PSAPL1: variants seen among roughly 807,000 people sequenced by gnomAD.
PSAPL1 encodes proactivator polypeptide-like 1.
For missense variants in PSAPL1, 814 were observed against 688.8 expected (o/e 1.18, Z -2.03); for synonymous variants, 351 against 291.6 (o/e 1.20, Z -2.08).
Position 7,433,416 on chromosome 4 carries a change from G to C in PSAPL1, c.1464C>G (p.Phe488Leu). The C allele has an allele frequency of 6.6e-7, 1 of 1,511,656 alleles. No homozygotes were observed. The highest frequency in any genetic ancestry group is 2.3e-5 in the Admixed American group (1 of 43,280). 93.6% of individuals were successfully genotyped at this position (1,511,656 alleles called of 1,614,324 possible). The change falls in exon 1 of 1, where the codon TTC (phenylalanine) becomes TTG (leucine). Residue 488 changes from phenylalanine to leucine, a missense_variant. Physicochemically the swap from Phe to Leu is conservative, Grantham distance 22. Coordinates refer to ENST00000319098, the MANE Select transcript of PSAPL1 (RefSeq NM_001085382.2). ...TGGCGGCCTCCTGGCTCCTGCACCA[G>C]AAGCTTGGGCCCAGGGCACACTGGT... ...GTDQCALGPSFWCRSQEAAKL... is the reference protein window; with the variant it reads ...GTDQCALGPSLWCRSQEAAKL...
In PSAPL1 at chr4:7,431,532, A is replaced by G. The variant is rs73796583; in HGVS notation, c.*1782T>C. The stretch of plus-strand genomic sequence containing the variant: ...GGTGGGAACACCTACCGGCAGGCAG[A>G]CAGAGAGCCTCTGGGGCTGCTCCTG... On this transcript the variant is annotated 3_prime_UTR_variant, in exon 1 of 1. Transcript: ENST00000319098. 0.039 allele frequency: 5,949 copies of G among 152,276 alleles called. 399 individuals are homozygous for G. Among genetic ancestry groups the G allele is most frequent in the African/African-American group, 0.13 (5,523 of 41,492 alleles). The allele number at this position is 152,276 out of a possible 1,614,324, so 9.4% of individuals were successfully genotyped here.
chr4:7,433,721 A>T lies in PSAPL1; in HGVS notation c.1159T>A (p.Trp387Arg). 1 of 1,612,888 alleles carries T rather than the reference A, an allele frequency of 6.2e-7. No homozygotes were observed. The highest frequency in any genetic ancestry group is 8.5e-7 in the Non-Finnish European group (1 of 1,179,664). ...AAGCTGCCCTGGTTCTCCGCGTCCC[A>T]CTCTGGGGACGGCACGATGGCATAG... ...DAYAIVPSPE[W>R]DAENQGSFCN... Residue 387 changes from tryptophan (W) to arginine (R), a missense_variant, in exon 1 of 1, where the codon TGG becomes AGG. Coordinates refer to ENST00000319098, the MANE Select transcript of PSAPL1 (RefSeq NM_001085382.2).
chr4:7,433,560 G>C lies in PSAPL1; in HGVS notation c.1320C>G (p.His440Gln), dbSNP rs754543563. 5.0e-6 allele frequency: 8 copies of C among 1,611,576 alleles called. No individual in the cohort carries two copies. The highest frequency in any genetic ancestry group is 6.8e-6 in the Non-Finnish European group (8 of 1,179,182). The change falls in exon 1 of 1, where the codon CAC (histidine) becomes CAG (glutamine). Residue 440 changes from histidine (H) to glutamine (Q), a missense_variant. By Grantham distance (24) the His-to-Gln change is conservative. Transcript: ENST00000319098. ...GCACGGGCTCGTACTGGGTGACGAA[G>C]TGCTTGCACTGGATCATATAGGGCA... ...LPLPYMIQCK[H>Q]FVTQYEPVLI...
rs1244381088 is a variant in PSAPL1 at position 7,433,809 on chromosome 4, C to G, written c.1071G>C (p.Glu357Asp). 6 of 1,613,782 alleles carry G rather than the reference C, an allele frequency of 3.7e-6. No homozygotes were observed. Among genetic ancestry groups the G allele is most frequent in the Non-Finnish European group, 4.2e-6 (5 of 1,179,874 alleles). The change falls in exon 1 of 1, where the codon GAG (glutamate) becomes GAC (aspartate). Residue 357 changes from glutamate to aspartate, a missense_variant. Coordinates refer to ENST00000319098, the MANE Select transcript of PSAPL1 (RefSeq NM_001085382.2). ...ACAGACGGATGAACTTGCACACCTT[C>G]TCTGGGGTGATTTTGGCCACAAGCT... ...LVQLVAKITP[E>D]KVCKFIRLCG...
rs756341382 is a variant in PSAPL1, at chr4:7,434,762, C to T, written c.118G>A (p.Ala40Thr). The T allele has an allele frequency of 6.2e-6, 10 of 1,612,850 alleles. No individual in the cohort carries two copies. The highest frequency in any genetic ancestry group is 8.5e-6 in the Non-Finnish European group (10 of 1,179,570). The part of the protein sequence containing the change: ...STVWCQDLQT[A>T]ARCGAVGYCQ... Reference sequence around the variant, plus strand: ...TACCCCACAGCCCCGCACCTGGCAGCTGTCTGCAGATCCTGACACCACACC... The same window carrying T: ...TACCCCACAGCCCCGCACCTGGCAGTTGTCTGCAGATCCTGACACCACACC... The change falls in exon 1 of 1, where the codon GCT becomes ACT. Residue 40 changes from alanine (A) to threonine (T), a missense_variant. Ala to Thr is a moderately conservative substitution (Grantham distance 58, BLOSUM62 0). Transcript: ENST00000319098.
At position 7,434,217 on chromosome 4, in the gene PSAPL1, G is replaced by A. The variant is rs1329410035; in HGVS notation, c.663C>T (p.Ala221=). The part of the protein sequence containing the change: ...EQCESLGPGL[A]VLCKNYLFQF... The stretch of plus-strand genomic sequence containing the variant: ...GGAAGAGGTAGTTCTTGCAGAGGAC[G>A]GCCAGGCCAGGCCCCAAGGACTCAC... The change falls in exon 1 of 1, where the codon GCC becomes GCT. Residue 221 remains alanine (A), a synonymous_variant. Coordinates refer to ENST00000319098, the MANE Select transcript of PSAPL1 (RefSeq NM_001085382.2). 11 of 1,613,574 alleles carry A rather than the reference G, an allele frequency of 6.8e-6. No individual in the cohort carries two copies. The highest frequency in any genetic ancestry group is 3.3e-5 in the South Asian group (3 of 91,086).
Position 7,434,680 on chromosome 4 carries a change from C to T in PSAPL1, c.200G>A (p.Cys67Tyr), listed in dbSNP as rs1727166660. The T allele has an allele frequency of 6.2e-6, 10 of 1,612,566 alleles. No homozygotes were observed. Among genetic ancestry groups the T allele is most frequent in the Non-Finnish European group, 8.5e-6 (10 of 1,179,496 alleles). The change falls in exon 1 of 1, where the codon TGC becomes TAC. Residue 67 changes from cysteine to tyrosine, a missense_variant. Transcript: ENST00000319098. ...GCCAGCGGCGGCTGCTATGTCCTGG[C>T]ATACGTCGCAGGGCAGAGACTTCGC... The part of the protein sequence containing the change: ...PTAKSLPCDV[C>Y]QDIAAAAGNG...
In PSAPL1 at chr4:7,434,726, C is replaced by A; in HGVS notation, c.154G>T (p.Ala52Ser). The A allele has an allele frequency of 6.2e-7, 1 of 1,613,124 alleles. No homozygotes were observed. The highest frequency in any genetic ancestry group is 8.5e-7 in the Non-Finnish European group (1 of 1,179,596). Residue 52 changes from alanine (A) to serine (S), a missense_variant, in exon 1 of 1, where the codon GCC becomes TCC. Physicochemically the swap from Ala to Ser is moderately conservative, Grantham distance 99. Transcript: ENST00000319098. ...TTCGCGGTGGGTTTGTTCCATACGG[C>A]CCCTTGGCAGTACCCCACAGCCCCG... is the stretch of plus-strand genomic sequence containing the variant. ...RCGAVGYCQG[A>S]VWNKPTAKSL...
In PSAPL1 at chr4:7,433,264, A is replaced by G. The variant is rs183139546; in HGVS notation, c.*50T>C. 3.0e-6 allele frequency: 4 copies of G among 1,336,738 alleles called. No homozygotes were observed. The highest frequency in any genetic ancestry group is 3.8e-6 in the Non-Finnish European group (4 of 1,043,470). The allele number at this position is 1,336,738 out of a possible 1,614,324, so 82.8% of individuals were successfully genotyped here. A position where few individuals can be genotyped will look rare whatever the true frequency, so the allele number is the denominator to read the frequency against. On this transcript the variant is annotated 3_prime_UTR_variant, in exon 1 of 1. Transcript: ENST00000319098. Reference sequence around the variant, plus strand: ...TTTGTGAAATGGGGATGGGGAAAGCACCCACCTCATGGGCCTCGCTAGCAG... The same window carrying G: ...TTTGTGAAATGGGGATGGGGAAAGCGCCCACCTCATGGGCCTCGCTAGCAG...
At position 7,431,609 on chromosome 4, in the gene PSAPL1, C is replaced by T. The variant is rs1304517821; in HGVS notation, c.*1705G>A. 2 of 152,154 alleles carry T rather than the reference C, an allele frequency of 1.3e-5. No homozygotes were observed. Among genetic ancestry groups the T allele is most frequent in the African/African-American group, 2.4e-5 (1 of 41,422 alleles). The allele number at this position is 152,154 out of a possible 1,614,324, so 9.4% of individuals were successfully genotyped here. On this transcript the variant is annotated 3_prime_UTR_variant, in exon 1 of 1. Coordinates refer to ENST00000319098, the MANE Select transcript of PSAPL1 (RefSeq NM_001085382.2). ...AGGCAGATACTGAGGCCAACAACTT[C>T]GGGCCCCTGTGTTTTGGAGTCTGGT...
At position 7,433,064 on chromosome 4, in the gene PSAPL1, T is replaced by C. The variant is rs1208059155; in HGVS notation, c.*250A>G. On this transcript the variant is annotated 3_prime_UTR_variant, in exon 1 of 1. Coordinates refer to ENST00000319098, the MANE Select transcript of PSAPL1 (RefSeq NM_001085382.2). ...AGCCTTGGAGATGAGAGGGCAGCCT[T>C]GGCTGGGTCAGGGAGCGGGGCACAT... 3 of 342,390 alleles carry C rather than the reference T, an allele frequency of 8.8e-6. No individual in the cohort carries two copies. Among genetic ancestry groups the C allele is most frequent in the Non-Finnish European group, 1.6e-5 (3 of 192,166 alleles). The allele number at this position is 342,390 out of a possible 1,614,324, so 21.2% of individuals were successfully genotyped here.
chr4:7,433,235 T>G lies in PSAPL1; in HGVS notation c.*79A>C. 1.5e-6 allele frequency: 2 copies of G among 1,310,940 alleles called. No homozygotes were observed. Among genetic ancestry groups the G allele is most frequent in the Non-Finnish European group, 1.9e-6 (2 of 1,027,356 alleles). The allele number at this position is 1,310,940 out of a possible 1,614,324, so 81.2% of individuals were successfully genotyped here. On this transcript the variant is annotated 3_prime_UTR_variant, in exon 1 of 1. Coordinates refer to ENST00000319098, the MANE Select transcript of PSAPL1 (RefSeq NM_001085382.2). ...GCCTCCCTCCTCAGAGCTTCAGTTT[T>G]TCATTTGTGAAATGGGGATGGGGAA...
At position 7,433,990 on chromosome 4, in the gene PSAPL1, C is replaced by T. The variant is rs375702256; in HGVS notation, c.890G>A (p.Cys297Tyr). 1.9e-6 allele frequency: 3 copies of T among 1,613,618 alleles called. No homozygotes were observed. Among genetic ancestry groups the T allele is most frequent in the African/African-American group, 1.3e-5 (1 of 74,936 alleles). Residue 297 changes from cysteine (C) to tyrosine (Y), a missense_variant, in exon 1 of 1, where the codon TGC (cysteine) becomes TAC (tyrosine). Transcript: ENST00000319098. Reference sequence around the variant, plus strand: ...GTCCAGCTTCTGCACCACGTTCATGCACACCTCACAGGTCACACCGGCCTT... The same window carrying T: ...GTCCAGCTTCTGCACCACGTTCATGTACACCTCACAGGTCACACCGGCCTT... ...QMKAGVTCEV[C>Y]MNVVQKLDHW... is the part of the protein sequence containing the mutation.
the PSAPL1 span, chr4:7,434,145 CT>C: frequency 1.2e-6 from 2 of 1,613,880 alleles, no homozygotes; most frequent in Non-Finnish European, 1.7e-6. Context: ...TGCAGAGCTC[CT>C]GCGGGGGGAG....
rs773421988 is a variant in PSAPL1, at chr4:7,434,503, G to C, written c.377C>G (p.Pro126Arg). Residue 126 changes from proline (P) to arginine (R), a missense_variant, in exon 1 of 1, where the codon CCG becomes CGG. Pro to Arg is a moderately radical substitution (Grantham distance 103). Coordinates refer to ENST00000319098, the MANE Select transcript of PSAPL1 (RefSeq NM_001085382.2). ...SAILSMLRGA[P>R]DSAPAQVCTA... ...GCACACCTGTGCCGGGGCACTGTCC[G>C]GGGCCCCACGGAGCATGCTCAGGAT... 3.7e-6 allele frequency: 6 copies of C among 1,612,226 alleles called. No homozygotes were observed. The East Asian group carries it at 1.3e-4, about 36-fold the overall frequency.
In PSAPL1 at chr4:7,431,393, A is replaced by T. The variant is rs548196545; in HGVS notation, c.*1921T>A. On this transcript the variant is annotated 3_prime_UTR_variant, in exon 1 of 1. Coordinates refer to ENST00000319098, the MANE Select transcript of PSAPL1 (RefSeq NM_001085382.2). The stretch of plus-strand genomic sequence containing the variant: ...GCCCTCTCCCGGCCTCTCCCAGGTG[A>T]CCTGTCGGGGGATTTCAGGTCATGT... The T allele has an allele frequency of 6.6e-6, 1 of 152,218 alleles. No individual in the cohort carries two copies. The highest frequency in any genetic ancestry group is 1.5e-5 in the Non-Finnish European group (1 of 68,064). The allele number at this position is 152,218 out of a possible 1,614,324, so 9.4% of individuals were successfully genotyped here.
At position 7,433,535 on chromosome 4, in the gene PSAPL1, G is replaced by A. The variant is rs1358688481; in HGVS notation, c.1345C>T (p.Leu449Phe). Residue 449 changes from leucine (L) to phenylalanine (F), a missense_variant, in exon 1 of 1, where the codon CTC becomes TTC. Physicochemically the swap from Leu to Phe is conservative, Grantham distance 22. Transcript: ENST00000319098. Reference protein sequence around the residue: ...KHFVTQYEPVLIESLKDMMDP... With the variant: ...KHFVTQYEPVFIESLKDMMDP... The stretch of plus-strand genomic sequence containing the variant: ...ATCATGTCCTTGAGACTCTCAATGA[G>A]CACGGGCTCGTACTGGGTGACGAAG... 2 of 1,609,682 alleles carry A rather than the reference G, an allele frequency of 1.2e-6. No homozygotes were observed. The highest frequency in any genetic ancestry group is 2.2e-5 in the South Asian group (2 of 90,422).
Position 7,433,895 on chromosome 4 carries a change from G to A in PSAPL1, c.985C>T (p.Pro329Ser). The change falls in exon 1 of 1, where the codon CCT becomes TCT. Residue 329 changes from proline to serine, a missense_variant. By Grantham distance (74) the Pro-to-Ser change is moderately conservative. Coordinates refer to ENST00000319098, the MANE Select transcript of PSAPL1 (RefSeq NM_001085382.2). The stretch of plus-strand genomic sequence containing the variant: ...ATGCACTCCTTCGTGATAGAGGCAG[G>A]CATTACCGAGCACACGCGCTCCAGG... ...HALERVCSVMPASITKECIIL... is the reference protein window; with the variant it reads ...HALERVCSVMSASITKECIIL... The A allele has an allele frequency of 1.9e-6, 3 of 1,613,864 alleles. No homozygotes were observed. Among genetic ancestry groups the A allele is most frequent in the Non-Finnish European group, 2.5e-6 (3 of 1,179,896 alleles).
At chr4:7,433,599 GC>G in the PSAPL1 span, 2 of 1,611,484 alleles carry the variant, frequency 1.2e-6, no homozygotes, top group African/African-American at 2.7e-5. Context: ...GCAGGATGCT[GC>G]AGCCACCCTT....
Sources: gnomAD v4.1 joint callset for allele counts on GRCh38, gnomAD v4.1.1 for gene constraint, MANE v1.5 for transcripts, NCBI Gene and HGNC (gene_info 2026-07-23, HGNC 2026-07-21) for gene names.